The following SDHAF4 variants were observed in gnomAD, a reference collection of about 807,000 sequenced individuals.
SDHAF4 encodes succinate dehydrogenase complex assembly factor 4.
A neutral mutation model predicts 14.3 loss-of-function variants in SDHAF4; 14 were observed. The ratio of observed to expected loss-of-function variants is 0.98; its 90% CI spans 0.65 to 1.53. The LOEUF (loss-of-function observed/expected upper bound fraction) is 1.53, where lower values mean the gene tolerates loss of function less well. SDHAF4 is among the 40% of genes most tolerant of loss of function. The pLI is 0.00. For missense variants in SDHAF4, 141 were observed against 129.3 expected, an observed-to-expected ratio of 1.09 and a Z score of -0.44; for synonymous variants, 63 against 47.3, an observed-to-expected ratio of 1.33 and a Z score of -1.36.
At chr6:70,577,870 G>A (rs960378093) in intron 1 of SDHAF4, among the ~76,000 whole-genome samples, 1 of 152,166 alleles carries the variant, frequency 6.6e-6, no homozygotes, top group Non-Finnish European at 1.5e-5. Flanking sequence ...ATGGCCTCCA[G>A]CTGCATCCAT....
At chr6:70,598,310 C>T in the SDHAF4 span, among the ~76,000 whole-genome samples, 1 of 152,120 alleles carries the variant, frequency 6.6e-6, no homozygotes, top group Admixed American at 6.5e-5. Context: ...ACCCAGGAGG[C>T]AGAGGTTGCA....
chr6:70,579,477 T>C lies in SDHAF4; in HGVS notation c.128T>C (p.Leu43Pro), dbSNP rs755699433. 1.9e-6 allele frequency: 3 copies of C among 1,611,480 alleles called. No individual in the cohort carries two copies. The highest frequency in any genetic ancestry group is 1.7e-6 in the Non-Finnish European group (2 of 1,178,688). Residue 43 changes from leucine to proline, a missense_variant, in exon 2 of 3, where the codon CTT becomes CCT. Transcript: ENST00000370474. Reference protein sequence around the residue: ...TSSSQGGKSELVKQSLKKPKL... With the variant: ...TSSSQGGKSEPVKQSLKKPKL... ...TCTTCTCAAGGAGGAAAGTCTGAAC[T>C]TGTCAAACAGTCCCTTAAGAAGCCG... is the stretch of plus-strand genomic sequence containing the variant.
At chr6:70,594,397 G>A (rs1022283186), downstream of SDHAF4, among the ~76,000 whole-genome samples, 10 of 152,120 alleles carry the variant, frequency 6.6e-5, no homozygotes, top group Admixed American at 4.6e-4. Flanking sequence ...AGGATCTCTG[G>A]GAGGTAATTA....
intron 1 of SDHAF4, among the ~76,000 whole-genome samples, chr6:70,568,752 A>G (rs1412526264): frequency 6.6e-6 from 1 of 152,040 alleles, no homozygotes; most frequent in South Asian, 2.1e-4. Flanking sequence ...GCATTTTCTA[A>G]TTCTATAGCA....
At chr6:70,572,262 A>T (rs1388073072) in intron 1 of SDHAF4, among the ~76,000 whole-genome samples, 1 of 151,512 alleles carries the variant, frequency 6.6e-6, no homozygotes, top group African/African-American at 2.4e-5. Flanking sequence ...ACGAGGTTTC[A>T]CCATGTTGGC....
chr6:70,591,418 G>A (rs1220034136), downstream of SDHAF4, among the ~76,000 whole-genome samples: 3 of 128,348 alleles, frequency 2.3e-5, no homozygotes, highest in African/African-American at 9.1e-5. Context: ...TGCAACCTCT[G>A]ACTCCCTGGT....
At chr6:70,580,129 AAAAAAT>A (rs1802303814) in intron 2 of SDHAF4, among the ~76,000 whole-genome samples, 1 of 151,166 alleles carries the variant, frequency 6.6e-6, no homozygotes, top group Non-Finnish European at 1.5e-5. Context: ...AGTAATCTAC[AAAAAAT>A]AAAAATAAAA....
chr6:70,571,545 C>T (rs535116145), intron 1 of SDHAF4, among the ~76,000 whole-genome samples: 1 of 152,236 alleles, frequency 6.6e-6, no homozygotes, highest in South Asian at 2.1e-4. Flanking sequence ...AAACTTCTGA[C>T]CTCGTGATAT....
intron 1 of SDHAF4, among the ~76,000 whole-genome samples, chr6:70,577,409 G>A (rs1375366820): frequency 6.6e-6 from 1 of 152,156 alleles, no homozygotes; most frequent in East Asian, 1.9e-4. Flanking sequence ...CTAACGCTGA[G>A]ATCACTTTTT....
chr6:70,596,245 A>T, the SDHAF4 span, among the ~76,000 whole-genome samples: 1 of 152,218 alleles, frequency 6.6e-6, no homozygotes, highest in African/African-American at 2.4e-5. Flanking sequence ...CATGGGATCT[A>T]CCACTGTATT....
At chr6:70,583,553 G>C (rs1765164967) in intron 2 of SDHAF4, among the ~76,000 whole-genome samples, 1 of 152,138 alleles carries the variant, frequency 6.6e-6, no homozygotes, top group Admixed American at 6.6e-5. Flanking sequence ...TTTGGCTTCA[G>C]CATAAATTAT....
the SDHAF4 span, among the ~76,000 whole-genome samples, chr6:70,597,179 G>A: frequency 5.3e-5 from 8 of 152,038 alleles, no homozygotes; most frequent in Non-Finnish European, 1.0e-4. Context: ...TGTCACCCAG[G>A]CTGAAGTGCA....
At chr6:70,569,211 G>A (rs544611899) in intron 1 of SDHAF4, among the ~76,000 whole-genome samples, 18 of 151,870 alleles carry the variant, frequency 1.2e-4, no homozygotes, top group African/African-American at 3.6e-4. Flanking sequence ...TGATCCGCCC[G>A]TCTCGGCCTC....
chr6:70,582,169 T>G (rs2691495), intron 2 of SDHAF4, among the ~76,000 whole-genome samples: 52,167 of 151,846 alleles, frequency 0.34, 13,683 homozygotes, highest in African/African-American at 0.74. Flanking sequence ...CCTCCTGGGG[T>G]TCCCTACTCA....
intron 2 of SDHAF4, among the ~76,000 whole-genome samples, chr6:70,585,284 C>T (rs1765182125): frequency 6.6e-6 from 1 of 152,230 alleles, no homozygotes; most frequent in Non-Finnish European, 1.5e-5. Flanking sequence ...TTAAAACTCA[C>T]TGAACTGCGT....
chr6:70,580,128 C>T (rs961182132), intron 2 of SDHAF4, among the ~76,000 whole-genome samples: 2 of 149,928 alleles, frequency 1.3e-5, no homozygotes, highest in Admixed American at 6.6e-5. Flanking sequence ...CAGTAATCTA[C>T]AAAAAATAAA....
intron 2 of SDHAF4, among the ~76,000 whole-genome samples, chr6:70,582,923 A>G (rs1409342634): frequency 6.6e-6 from 1 of 152,162 alleles, no homozygotes; most frequent in Non-Finnish European, 1.5e-5. Flanking sequence ...AGATTTCATT[A>G]TTAAGATCAT....
downstream of SDHAF4, among the ~76,000 whole-genome samples, chr6:70,591,376 G>A (rs931457801): frequency 7.3e-5 from 9 of 124,052 alleles, no homozygotes; most frequent in Non-Finnish European, 1.1e-4. Context: ...TCTGTCCCCA[G>A]GCTGGACTAC....
intron 1 of SDHAF4, among the ~76,000 whole-genome samples, chr6:70,569,113 G>A (rs112686276): frequency 1.9e-4 from 28 of 146,528 alleles, no homozygotes; most frequent in African/African-American, 4.8e-4. Context: ...CTACAGGCGC[G>A]CGCCACCACG....
Sources: gnomAD v4.1 joint callset for allele counts (sites outside exome capture counted in the v4.1 genomes callset) on GRCh38, gnomAD v4.1.1 for gene constraint, MANE v1.5 for transcripts, NCBI Gene and HGNC (gene_info 2026-07-23, HGNC 2026-07-21) for gene names.